The following PAX5 variants were observed in gnomAD, a reference collection of about 807,000 sequenced individuals.
PAX5 encodes paired box 5.
A neutral mutation model predicts 43.7 loss-of-function variants in PAX5; 9 were observed. The ratio of observed to expected loss-of-function variants is 0.21; its 90% confidence interval spans 0.12 to 0.36. The LOEUF (loss-of-function observed/expected upper bound fraction) is 0.36, where lower values mean the gene tolerates loss of function less well. Among genes scored for constraint, PAX5 ranks in the 10% least tolerant of loss-of-function variants. PAX5 has a pLI of 1.00. For missense variants in PAX5, 383 were observed against 532.7 expected (o/e 0.72, Z 2.77); for synonymous variants, 228 against 214.3 (o/e 1.06, Z -0.56).
At chr9:36,972,724 G>A (rs998504251) in intron 5 of PAX5, among the ~76,000 whole-genome samples, 11 of 152,132 alleles carry the variant, frequency 7.2e-5, no homozygotes, top group Non-Finnish European at 1.3e-4. Context: ...TTACTCTTAA[G>A]CTGTTTGAAA....
chr9:36,929,919 T>A (rs1830987085), intron 6 of PAX5, among the ~76,000 whole-genome samples: 1 of 152,046 alleles, frequency 6.6e-6, no homozygotes, highest in African/African-American at 2.4e-5. Flanking sequence ...AGAGATGGGG[T>A]TTCACCATGT....
chr9:36,834,421 T>A lies in PAX5; in HGVS notation c.*6139A>T, dbSNP rs796330434. The stretch of plus-strand genomic sequence containing the variant: ...TGAGGTGTAGGGGAGTGAGTGAGTG[T>A]GTGTGTGTGTGTGTGTGTGTGTGTG... On this transcript the variant is annotated 3_prime_UTR_variant, in exon 10 of 10. Transcript: ENST00000358127. 1 of 169,210 alleles carries A rather than the reference T, an allele frequency of 5.9e-6. No homozygotes were observed. Among genetic ancestry groups the A allele is most frequent in the Non-Finnish European group, 1.0e-5 (1 of 95,526 alleles). 10.5% of individuals were successfully genotyped at this position (169,210 alleles called of 1,614,324 possible).
intron 6 of PAX5, among the ~76,000 whole-genome samples, chr9:36,941,429 C>T (rs1313666887): frequency 6.6e-6 from 1 of 152,216 alleles, no homozygotes; most frequent in East Asian, 1.9e-4. Context: ...GATTTGAGAG[C>T]GTCCGTCTTG....
intron 8 of PAX5, among the ~76,000 whole-genome samples, chr9:36,865,956 A>G (rs1017644158): frequency 1.3e-5 from 2 of 152,244 alleles, no homozygotes; most frequent in African/African-American, 4.8e-5. Context: ...ATCCTCGGGC[A>G]GGTGGGGTGG....
rs76114347 is a variant in PAX5, at chr9:36,874,443, C to G, written c.1012+7561G>C. ...TGGCCATCAGCCTCCACTCAACAGGCTCCCCTCCCTGCCAATCCTACTTGC... is the reference window on the plus strand; with the variant it reads ...TGGCCATCAGCCTCCACTCAACAGGGTCCCCTCCCTGCCAATCCTACTTGC... On this transcript the variant is annotated intron_variant, in intron 8 of 9. Transcript: ENST00000358127. Among the ~76,000 whole-genome samples, 399 of 152,264 alleles carry G rather than the reference C, an allele frequency of 2.6e-3. 3 individuals carry two copies. The highest frequency in any genetic ancestry group is 9.4e-3 in the African/African-American group (391 of 41,544).
In PAX5 at chr9:36,839,385, C is replaced by T. The variant is rs1037691922; in HGVS notation, c.*1175G>A. 6 of 233,748 alleles carry T rather than the reference C, an allele frequency of 2.6e-5. No individual in the cohort carries two copies. The highest frequency in any genetic ancestry group is 3.4e-5 in the Non-Finnish European group (4 of 118,388). 14.5% of individuals were successfully genotyped at this position (233,748 alleles called of 1,614,324 possible). On this transcript the variant is annotated 3_prime_UTR_variant, in exon 10 of 10. Transcript: ENST00000358127. ...CTGCCCCAGCCCCAGCACCTCCATG[C>T]CCAGCTGCCTGCTAAGCTCCACGAG...
intron 8 of PAX5, among the ~76,000 whole-genome samples, chr9:36,850,673 G>A (rs1037440676): frequency 6.6e-5 from 10 of 152,184 alleles, no homozygotes; most frequent in African/African-American, 2.4e-4. Context: ...GCTGCTGTGA[G>A]TTCTGGTAGG....
At chr9:36,843,081 TG>T (rs1305059902) in intron 9 of PAX5, among the ~76,000 whole-genome samples, 1 of 150,120 alleles carries the variant, frequency 6.7e-6, no homozygotes, top group African/African-American at 2.4e-5. Context: ...TGTGTGTGCC[TG>T]TGTGTGTGTG....
chr9:36,998,779 T>C (rs1202028622), intron 5 of PAX5, among the ~76,000 whole-genome samples: 1 of 152,258 alleles, frequency 6.6e-6, no homozygotes, highest in Non-Finnish European at 1.5e-5. Flanking sequence ...TGAGATGTAC[T>C]ACATGTGTAA....
At chr9:36,986,224 G>A (rs546698597) in intron 5 of PAX5, among the ~76,000 whole-genome samples, 2 of 151,426 alleles carry the variant, frequency 1.3e-5, no homozygotes, top group South Asian at 2.1e-4. Context: ...GCGGGGCCCC[G>A]GCAAATAAAG....
At chr9:37,017,170 T>A (rs1588238754) in intron 2 of PAX5, among the ~76,000 whole-genome samples, 1 of 152,212 alleles carries the variant, frequency 6.6e-6, no homozygotes, top group East Asian at 1.9e-4. Context: ...TAAAGCCAAT[T>A]TTTACTATAA....
intron 8 of PAX5, among the ~76,000 whole-genome samples, chr9:36,869,668 C>T (rs944034929): frequency 6.6e-6 from 1 of 152,232 alleles, no homozygotes. Context: ...GCCCCCATAG[C>T]CCCTCACAGA....
chr9:37,002,546 A>C, intron 5 of PAX5, 102 bp downstream of exon 5: 2 of 1,261,800 alleles, frequency 1.6e-6, no homozygotes, highest in Non-Finnish European at 1.1e-6. Context: ...CTCTGCAGGT[A>C]AGGGGGGTGT....
chr9:37,033,599 T>TACAC (rs56039556), intron 1 of PAX5, among the ~76,000 whole-genome samples: 12,675 of 149,130 alleles, frequency 0.085, 697 homozygotes, highest in South Asian at 0.19. Context: ...AGTATAAAGA[T>TACAC]ACACACACAC....
intron 8 of PAX5, among the ~76,000 whole-genome samples, chr9:36,879,181 G>A (rs1021953290): frequency 1.3e-5 from 2 of 152,196 alleles, no homozygotes; most frequent in Admixed American, 6.5e-5. Context: ...GCCCCTGCTC[G>A]GGCCTGTGAT....
At chr9:36,883,270 C>T (rs35892136) in intron 7 of PAX5, among the ~76,000 whole-genome samples, 22,469 of 152,136 alleles carry the variant, frequency 0.15, 1,719 homozygotes, top group African/African-American at 0.18. Flanking sequence ...AAACCTTGAA[C>T]CCTAAAGCAA....
At chr9:37,019,955 C>T (rs562625740) in intron 2 of PAX5, among the ~76,000 whole-genome samples, 3 of 152,228 alleles carry the variant, frequency 2.0e-5, no homozygotes, top group Admixed American at 1.3e-4. Flanking sequence ...TTGGATCATG[C>T]GGAGGCTACT....
chr9:36,880,562 AT>A (rs1253113096), intron 8 of PAX5, among the ~76,000 whole-genome samples: 1 of 152,082 alleles, frequency 6.6e-6, no homozygotes, highest in Non-Finnish European at 1.5e-5. Flanking sequence ...TTACATTATT[AT>A]TTTTATTAAT....
At chr9:36,872,824 C>T (rs545198899) in intron 8 of PAX5, among the ~76,000 whole-genome samples, 2 of 152,360 alleles carry the variant, frequency 1.3e-5, no homozygotes, top group South Asian at 2.1e-4. Context: ...TCTGCCTGGG[C>T]AGAGCCTGCC....
Sources: allele counts gnomAD v4.1 joint callset (sites outside exome capture counted in the v4.1 genomes callset), GRCh38; gene constraint gnomAD v4.1.1; transcripts MANE v1.5; gene names NCBI Gene and HGNC (gene_info 2026-07-23, HGNC 2026-07-21).